The following GPC6 variants were observed in gnomAD, a reference collection of about 807,000 sequenced individuals.
GPC6 encodes the protein glypican-6.
In GPC6, 14 loss-of-function variants were observed where a neutral mutation model predicts 55.2. The observed-to-expected ratio is 0.25, with a 90% CI of 0.17 to 0.40. The LOEUF (loss-of-function observed/expected upper bound fraction) is 0.40. Ranked by LOEUF, GPC6 falls within the 10% of genes least tolerant of loss-of-function variation. The pLI, the probability that GPC6 is intolerant of heterozygous loss-of-function variation, is 1.00. For synonymous variants in GPC6, 278 were observed against 259.6 expected, an observed-to-expected ratio of 1.07 and a Z score of -0.68; for missense variants, 641 against 708.5, an observed-to-expected ratio of 0.90 and a Z score of 1.08.
chr13:93,556,216 C>CA (rs1299075695), intron 2 of GPC6, among the ~76,000 whole-genome samples: 1 of 151,784 alleles, frequency 6.6e-6, no homozygotes, highest in Non-Finnish European at 1.5e-5. Flanking sequence ...ATCCTTTTTC[C>CA]ATTTATTTTC....
intron 4 of GPC6, among the ~76,000 whole-genome samples, chr13:94,077,455 G>A (rs913315282): frequency 2.3e-4 from 35 of 151,672 alleles, no homozygotes; most frequent in South Asian, 8.3e-4. Flanking sequence ...CCAATTGGAA[G>A]CCTTTTATTT....
chr13:94,354,530 C>A (rs1429713351), intron 6 of GPC6, among the ~76,000 whole-genome samples: 1 of 152,246 alleles, frequency 6.6e-6, no homozygotes, highest in East Asian at 1.9e-4. Flanking sequence ...CCAGCTCCAA[C>A]ACTTTCCAAT....
chr13:93,655,060 C>A (rs1466657376), intron 2 of GPC6, among the ~76,000 whole-genome samples: 2 of 35,336 alleles, frequency 5.7e-5, no homozygotes, highest in Non-Finnish European at 1.2e-4. Flanking sequence ...CTGTGTTAGC[C>A]AGGATGTCTC....
intron 2 of GPC6, among the ~76,000 whole-genome samples, chr13:93,746,641 C>T (rs7987964): frequency 0.44 from 67,093 of 151,938 alleles, 15,973 homozygotes; most frequent in East Asian, 0.75. Flanking sequence ...CAAAACAACA[C>T]CATATTCAAG....
intron 2 of GPC6, among the ~76,000 whole-genome samples, chr13:93,694,047 C>T (rs1882358086): frequency 6.6e-6 from 1 of 152,150 alleles, no homozygotes; most frequent in Non-Finnish European, 1.5e-5. Context: ...AATGTTTCAG[C>T]ATGCCTGATA....
intron 6 of GPC6, among the ~76,000 whole-genome samples, chr13:94,310,676 G>A (rs1876199215): frequency 6.6e-6 from 1 of 152,026 alleles, no homozygotes; most frequent in Non-Finnish European, 1.5e-5. Context: ...ATTATCTGGA[G>A]TGGATTGAAT....
At chr13:93,799,762 C>T (rs1282566545) in intron 2 of GPC6, among the ~76,000 whole-genome samples, 1 of 152,184 alleles carries the variant, frequency 6.6e-6, no homozygotes, top group Non-Finnish European at 1.5e-5. Context: ...GGGACTGGCT[C>T]TGTAAACCAA....
intron 2 of GPC6, among the ~76,000 whole-genome samples, chr13:93,616,512 G>T (rs1878729757): frequency 1.3e-5 from 2 of 152,146 alleles, no homozygotes; most frequent in Admixed American, 1.3e-4. Context: ...ATTGTTTAGG[G>T]TTCCAATTAG....
intron 4 of GPC6, among the ~76,000 whole-genome samples, chr13:94,266,655 C>T (rs1207016793): frequency 6.6e-6 from 1 of 152,052 alleles, no homozygotes; most frequent in Non-Finnish European, 1.5e-5. Context: ...GACTTAAATG[C>T]TCTTTCTTCA....
At chr13:93,322,431 C>CTTTTTTTTTTTTTTTTT (rs71272281) in intron 1 of GPC6, among the ~76,000 whole-genome samples, 9 of 96,788 alleles carry the variant, frequency 9.3e-5, no homozygotes, top group African/African-American at 1.2e-4. Flanking sequence ...TTTCTTTCTT[C>CTTTTTTTTTTTTTTTTT]TTTTTTTTTT....
chr13:93,612,416 G>A (rs1427065905), intron 2 of GPC6, among the ~76,000 whole-genome samples: 1 of 151,848 alleles, frequency 6.6e-6, no homozygotes, highest in Non-Finnish European at 1.5e-5. Context: ...GGAGAATGGC[G>A]TGAACCCGGG....
At chr13:93,498,072 G>A (rs766481956) in intron 1 of GPC6, among the ~76,000 whole-genome samples, 4 of 152,180 alleles carry the variant, frequency 2.6e-5, no homozygotes, top group Admixed American at 6.5e-5. Context: ...CCAGGTGGCC[G>A]TACTTTAAGG....
intron 3 of GPC6, among the ~76,000 whole-genome samples, chr13:93,877,776 A>G (rs927288299): frequency 6.6e-6 from 1 of 152,228 alleles, no homozygotes; most frequent in South Asian, 2.1e-4. Context: ...AGAGTTTGTG[A>G]TAGTGGAGAT....
At chr13:94,083,570 G>T (rs983006913) in intron 4 of GPC6, among the ~76,000 whole-genome samples, 1 of 152,220 alleles carries the variant, frequency 6.6e-6, no homozygotes, top group Admixed American at 6.5e-5. Context: ...CCAGAGGAGT[G>T]CCTAGCACTT....
At chr13:94,106,902 G>C (rs1886074254) in intron 4 of GPC6, among the ~76,000 whole-genome samples, 4 of 152,138 alleles carry the variant, frequency 2.6e-5, no homozygotes, top group African/African-American at 9.7e-5. Flanking sequence ...AAACTCAGCT[G>C]ACTTTGGAAA....
intron 3 of GPC6, among the ~76,000 whole-genome samples, chr13:93,942,881 T>G (rs565843301): frequency 3.9e-5 from 6 of 152,190 alleles, no homozygotes; most frequent in Non-Finnish European, 8.8e-5. Flanking sequence ...GCTATTCTGT[T>G]GCTCAGATTT....
chr13:93,881,877 T>G (rs1874999087), intron 3 of GPC6, among the ~76,000 whole-genome samples: 1 of 152,066 alleles, frequency 6.6e-6, no homozygotes, highest in African/African-American at 2.4e-5. Flanking sequence ...ATTCTCTTAT[T>G]TGTTCAACCC....
rs776003680 is a variant in GPC6, at chr13:94,186,059, C to CAAAAAAAAAAAAAA, written c.878-100290_878-100289insAAAAAAAAAAAAAA. ...TAGGTGACAGAGCGAGACTCCGTCT[C>CAAAAAAAAAAAAAA]CAAAAAAAAAAAAAAAAAAAAGGTT... On this transcript the variant is annotated intron_variant, in intron 4 of 8. Coordinates refer to ENST00000377047, the MANE Select transcript of GPC6 (RefSeq NM_005708.5). Among the ~76,000 whole-genome samples, 4 of 63,840 alleles carry CAAAAAAAAAAAAAA rather than the reference C, an allele frequency of 6.3e-5. 2 individuals are homozygous for CAAAAAAAAAAAAAA. Among genetic ancestry groups the CAAAAAAAAAAAAAA allele is most frequent in the African/African-American group, 1.2e-4 (2 of 17,108 alleles). The allele number at this position is 63,840 out of a possible 152,430, so 41.9% of individuals were successfully genotyped here.
chr13:93,473,022 C>G (rs1190530318), intron 1 of GPC6, among the ~76,000 whole-genome samples: 1 of 152,196 alleles, frequency 6.6e-6, no homozygotes, highest in Admixed American at 6.5e-5. Context: ...TCAGCTGTGG[C>G]TGAGCCTGGG....
Sources: gnomAD v4.1 joint callset for allele counts (sites outside exome capture counted in the v4.1 genomes callset) on GRCh38, gnomAD v4.1.1 for gene constraint, MANE v1.5 for transcripts, NCBI Gene and HGNC (gene_info 2026-07-23, HGNC 2026-07-21) for gene names.